The following ZNF385B variants were observed in gnomAD, a reference collection of about 807,000 sequenced individuals.
The protein encoded by ZNF385B is zinc finger protein 533.
ZNF385B carries 23 observed loss-of-function variants against 39.2 expected under a neutral mutation model. The observed-to-expected ratio is 0.59, with a 90% CI of 0.42 to 0.83. The LOEUF (loss-of-function observed/expected upper bound fraction) is 0.83. Ranked by LOEUF, ZNF385B falls within the 40% of genes least tolerant of loss-of-function variation. The probability of loss-of-function intolerance (pLI) is 0.00; values close to 1 mark genes in which losing one functional copy is unlikely to be tolerated. For missense variants in ZNF385B, 552 were observed against 598.9 expected (o/e 0.92, Z 0.82); for synonymous variants, 205 against 222.6 (o/e 0.92, Z 0.70).
intron 3 of ZNF385B, among the ~76,000 whole-genome samples, chr2:179,645,234 G>A (rs1166738822): frequency 6.6e-6 from 1 of 152,198 alleles, no homozygotes; most frequent in African/African-American, 2.4e-5. Flanking sequence ...CAGGAATCAT[G>A]TATTGTGACA....
chr2:179,652,518 C>A (rs544535275), intron 3 of ZNF385B, among the ~76,000 whole-genome samples: 1 of 152,162 alleles, frequency 6.6e-6, no homozygotes, highest in Non-Finnish European at 1.5e-5. Context: ...TTAAACTGCT[C>A]GTCTGAGCAG....
chr2:179,827,116 T>C lies in ZNF385B; in HGVS notation c.-155+33985A>G, dbSNP rs561627364. 3.3e-5 allele frequency among the ~76,000 whole-genome samples: 5 copies of C among 152,350 alleles called. No individual in the cohort carries two copies. The South Asian group carries it at 1.0e-3, about 32-fold the overall frequency. On this transcript the variant is annotated intron_variant, in intron 1 of 9. Transcript: ENST00000410066. ...TGACATCCCATCAAGTACCAGATAC[T>C]TTATTAAGCACTAGAAATACATTAG... is the stretch of plus-strand genomic sequence containing the variant.
chr2:179,780,089 T>C (rs1241857979), intron 1 of ZNF385B, among the ~76,000 whole-genome samples: 1 of 152,092 alleles, frequency 6.6e-6, no homozygotes, highest in Admixed American at 6.6e-5. Context: ...GCAGCCAATG[T>C]TGAGAACCAC....
At chr2:179,761,761 C>CTTTTT (rs34325728) in intron 3 of ZNF385B, among the ~76,000 whole-genome samples, 406 of 109,572 alleles carry the variant, frequency 3.7e-3, no homozygotes, top group Middle Eastern at 6.1e-3. Flanking sequence ...TTTTTCTTTT[C>CTTTTT]TTTTTTTTTT....
chr2:179,826,554 C>A (rs1260586326), intron 1 of ZNF385B, among the ~76,000 whole-genome samples: 1 of 152,108 alleles, frequency 6.6e-6, no homozygotes, highest in Non-Finnish European at 1.5e-5. Flanking sequence ...CAATAGGCAC[C>A]TTTAAACTAT....
intron 3 of ZNF385B, among the ~76,000 whole-genome samples, chr2:179,564,831 A>C (rs1320787312): frequency 1.3e-5 from 2 of 152,056 alleles, no homozygotes; most frequent in Admixed American, 1.3e-4. Flanking sequence ...CCTCAAGTTC[A>C]ACTTGTACAA....
chr2:179,831,197 T>C (rs1040621815), intron 1 of ZNF385B, among the ~76,000 whole-genome samples: 5 of 152,208 alleles, frequency 3.3e-5, no homozygotes, highest in Non-Finnish European at 7.3e-5. Flanking sequence ...ATTATGATAA[T>C]AATGATGATA....
At chr2:179,494,951 G>C (rs1244856091) in intron 5 of ZNF385B, among the ~76,000 whole-genome samples, 4 of 152,030 alleles carry the variant, frequency 2.6e-5, no homozygotes, top group Non-Finnish European at 5.9e-5. Context: ...GTAGCTACAG[G>C]GCAAAATTCC....
chr2:179,531,345 C>A (rs2059238939), intron 4 of ZNF385B, among the ~76,000 whole-genome samples: 1 of 152,126 alleles, frequency 6.6e-6, no homozygotes, highest in Admixed American at 6.5e-5. Context: ...TCTAAAACTC[C>A]TCTTTAGTCT....
At chr2:179,858,193 G>A (rs1394676260) in intron 1 of ZNF385B, among the ~76,000 whole-genome samples, 1 of 152,190 alleles carries the variant, frequency 6.6e-6, no homozygotes, top group African/African-American at 2.4e-5. Flanking sequence ...AAGCATCATG[G>A]AGATGAAGTC....
At chr2:179,528,102 C>T (rs542678509) in intron 4 of ZNF385B, among the ~76,000 whole-genome samples, 1 of 152,118 alleles carries the variant, frequency 6.6e-6, no homozygotes, top group Non-Finnish European at 1.5e-5. Context: ...AAACACTCTT[C>T]CATGATTTAG....
chr2:179,759,581 C>T (rs1428959481), intron 3 of ZNF385B, among the ~76,000 whole-genome samples: 1 of 152,124 alleles, frequency 6.6e-6, no homozygotes, highest in Non-Finnish European at 1.5e-5. Context: ...CATGCATCTG[C>T]ATTGCCATTG....
At chr2:179,712,945 A>G (rs1004124100) in intron 3 of ZNF385B, among the ~76,000 whole-genome samples, 6 of 152,180 alleles carry the variant, frequency 3.9e-5, no homozygotes, top group African/African-American at 7.2e-5. Context: ...TGGGCTAGTA[A>G]TATGCAGCAC....
At chr2:179,486,595 C>T (rs941000838) in intron 5 of ZNF385B, among the ~76,000 whole-genome samples, 1 of 152,164 alleles carries the variant, frequency 6.6e-6, no homozygotes, top group African/African-American at 2.4e-5. Context: ...TAATATTAAA[C>T]ACCAGGTCTG....
chr2:179,733,028 TAGA>T (rs1701495995), intron 3 of ZNF385B, among the ~76,000 whole-genome samples: 1 of 152,058 alleles, frequency 6.6e-6, no homozygotes, highest in African/African-American at 2.4e-5. Flanking sequence ...GTAAGAAAAG[TAGA>T]AGTTTTAAAG....
intron 3 of ZNF385B, among the ~76,000 whole-genome samples, chr2:179,642,456 C>A (rs1692352271): frequency 6.6e-6 from 1 of 151,976 alleles, no homozygotes; most frequent in African/African-American, 2.4e-5. Context: ...AACTCCATTC[C>A]TCTTTTTTTT....
intron 3 of ZNF385B, among the ~76,000 whole-genome samples, chr2:179,590,979 A>G (rs1000128953): frequency 1.3e-5 from 2 of 152,166 alleles, no homozygotes; most frequent in South Asian, 4.1e-4. Context: ...ACATTTACTT[A>G]TAATGACTAT....
chr2:179,463,189 C>T (rs2051554532), intron 6 of ZNF385B, among the ~76,000 whole-genome samples: 1 of 151,982 alleles, frequency 6.6e-6, no homozygotes, highest in South Asian at 2.1e-4. Flanking sequence ...AAAGTCCCTA[C>T]CATTGCTCCA....
At chr2:179,676,063 C>T (rs925886214) in intron 3 of ZNF385B, among the ~76,000 whole-genome samples, 1 of 151,600 alleles carries the variant, frequency 6.6e-6, no homozygotes, top group African/African-American at 2.4e-5. Context: ...GCTGGGATTA[C>T]AGGCATGAGC....
Sources: gnomAD v4.1 joint callset for allele counts (sites outside exome capture counted in the v4.1 genomes callset) on GRCh38, gnomAD v4.1.1 for gene constraint, MANE v1.5 for transcripts, NCBI Gene and HGNC (gene_info 2026-07-23, HGNC 2026-07-21) for gene names.